Variants in SEMA5A observed in about 807,000 individuals in gnomAD.
SEMA5A encodes the protein semaphorin 5A.
In SEMA5A, 55 loss-of-function variants were observed where a neutral mutation model predicts 135.5. The observed-to-expected ratio is 0.41, with a 90% CI of 0.33 to 0.51. The LOEUF (loss-of-function observed/expected upper bound fraction) is 0.51, where lower values mean the gene tolerates loss of function less well. SEMA5A is among the 20% of genes least tolerant of loss of function. SEMA5A has a pLI of 0.37. For synonymous variants in SEMA5A, 580 were observed against 546.5 expected (o/e 1.06, Z -0.85); for missense variants, 1,290 against 1,419.9 (o/e 0.91, Z 1.47).
At chr5:9,232,537 T>C (rs1186964435) in intron 6 of SEMA5A, among the ~76,000 whole-genome samples, 2 of 152,194 alleles carry the variant, frequency 1.3e-5, no homozygotes, top group Admixed American at 6.5e-5. Context: ...ATCTATATAA[T>C]TGTATACATG....
chr5:9,480,550 T>G (rs1447474116), intron 1 of SEMA5A, among the ~76,000 whole-genome samples: 1 of 152,206 alleles, frequency 6.6e-6, no homozygotes, highest in African/African-American at 2.4e-5. Context: ...AACCCTGCCT[T>G]TGTGAGTATG....
At chr5:9,273,195 C>A (rs1315526014) in intron 5 of SEMA5A, among the ~76,000 whole-genome samples, 2 of 151,910 alleles carry the variant, frequency 1.3e-5, no homozygotes, top group Admixed American at 1.3e-4. Flanking sequence ...GAAGCATACA[C>A]AAGTATCAAT....
chr5:9,469,207 C>T (rs1759383853), intron 1 of SEMA5A, among the ~76,000 whole-genome samples: 2 of 152,132 alleles, frequency 1.3e-5, no homozygotes, highest in Admixed American at 1.3e-4. Flanking sequence ...TGGGGTTTCA[C>T]CGTATTGTTC....
At chr5:9,209,336 A>G (rs1160210475) in intron 8 of SEMA5A, among the ~76,000 whole-genome samples, 1 of 152,200 alleles carries the variant, frequency 6.6e-6, no homozygotes, top group East Asian at 1.9e-4. Flanking sequence ...ATATCATTTC[A>G]TGAATATTTC....
chr5:9,353,386 A>AGGGAAGGAAAGGAAAGGAAG (rs1754297097), intron 3 of SEMA5A, among the ~76,000 whole-genome samples: 1 of 142,306 alleles, frequency 7.0e-6, no homozygotes, highest in African/African-American at 2.8e-5. Context: ...AGGAAAGGAA[A>AGGGAAGGAAAGGAAAGGAAG]GGAAAGGAAG....
At chr5:9,405,421 C>T (rs576428272) in intron 2 of SEMA5A, among the ~76,000 whole-genome samples, 4 of 152,206 alleles carry the variant, frequency 2.6e-5, no homozygotes, top group Non-Finnish European at 5.9e-5. Context: ...CCCAGGACAA[C>T]ATTTCTTCTG....
At chr5:9,162,504 A>G (rs1377445606) in intron 11 of SEMA5A, among the ~76,000 whole-genome samples, 2 of 71,338 alleles carry the variant, frequency 2.8e-5, no homozygotes, top group Non-Finnish European at 7.7e-5. Flanking sequence ...ATGTGTATAT[A>G]TAGGAATATA....
At chr5:9,392,266 T>C (rs541038799) in intron 2 of SEMA5A, among the ~76,000 whole-genome samples, 1 of 152,196 alleles carries the variant, frequency 6.6e-6, no homozygotes, top group Non-Finnish European at 1.5e-5. Context: ...GACTGATACA[T>C]TTTTGAGTTT....
At chr5:9,256,799 G>A (rs1442962895) in intron 5 of SEMA5A, among the ~76,000 whole-genome samples, 2 of 152,214 alleles carry the variant, frequency 1.3e-5, no homozygotes, top group African/African-American at 2.4e-5. Context: ...GCAAACTTCT[G>A]TCTGAAGGTA....
intron 1 of SEMA5A, among the ~76,000 whole-genome samples, chr5:9,539,068 C>A (rs1312545037): frequency 2.0e-5 from 3 of 152,122 alleles, no homozygotes; most frequent in African/African-American, 7.2e-5. Context: ...AGTTTCTTAC[C>A]ATTTCCATCA....
At chr5:9,328,507 A>T (rs878934683) in intron 4 of SEMA5A, among the ~76,000 whole-genome samples, 21 of 152,320 alleles carry the variant, frequency 1.4e-4, no homozygotes, top group South Asian at 2.1e-4. Context: ...GGCCGGGCAC[A>T]GTGGCTCATG....
chr5:9,439,482 G>A (rs1758154331), intron 1 of SEMA5A, among the ~76,000 whole-genome samples: 1 of 152,142 alleles, frequency 6.6e-6, no homozygotes, highest in Admixed American at 6.5e-5. Context: ...GCCATGAATA[G>A]CTGGCAATTT....
At chr5:9,147,536 C>T (rs767078939) in intron 12 of SEMA5A, among the ~76,000 whole-genome samples, 32 of 152,070 alleles carry the variant, frequency 2.1e-4, no homozygotes, top group Middle Eastern at 3.4e-3. Context: ...TCCCAAAGTG[C>T]GGGGATTATA....
intron 5 of SEMA5A, among the ~76,000 whole-genome samples, chr5:9,262,150 C>G (rs895514638): frequency 4.4e-5 from 2 of 45,320 alleles, no homozygotes. Flanking sequence ...AAGAAATGCT[C>G]ATCATCACTG....
intron 8 of SEMA5A, among the ~76,000 whole-genome samples, chr5:9,222,662 T>C (rs1747072346): frequency 6.6e-6 from 1 of 152,256 alleles, no homozygotes; most frequent in South Asian, 2.1e-4. Flanking sequence ...ATCGGAAACA[T>C]TAATGCCTTT....
intron 1 of SEMA5A, among the ~76,000 whole-genome samples, chr5:9,469,492 T>A (rs893967189): frequency 6.6e-6 from 1 of 152,160 alleles, no homozygotes; most frequent in Non-Finnish European, 1.5e-5. Context: ...AAACAACTCA[T>A]GTACAAGATT....
intron 1 of SEMA5A, among the ~76,000 whole-genome samples, chr5:9,489,072 G>T (rs1185928249): frequency 6.6e-6 from 1 of 152,118 alleles, no homozygotes; most frequent in Non-Finnish European, 1.5e-5. Context: ...CTTGGGCAGG[G>T]CTCATGTACC....
At chr5:9,488,004 A>G (rs1734815635) in intron 1 of SEMA5A, among the ~76,000 whole-genome samples, 1 of 152,122 alleles carries the variant, frequency 6.6e-6, no homozygotes, top group Non-Finnish European at 1.5e-5. Context: ...AAATTTTTCT[A>G]TCCTTTTTTA....
At chr5:9,441,484 C>T (rs149837803) in intron 1 of SEMA5A, among the ~76,000 whole-genome samples, 1 of 152,046 alleles carries the variant, frequency 6.6e-6, no homozygotes, top group Non-Finnish European at 1.5e-5. Flanking sequence ...GGTACCATCC[C>T]TGGAGTTGGG....
Sources: allele counts gnomAD v4.1 joint callset (sites outside exome capture counted in the v4.1 genomes callset), GRCh38; gene constraint gnomAD v4.1.1; transcripts MANE v1.5; gene names NCBI Gene and HGNC (gene_info 2026-07-23, HGNC 2026-07-21).